Variants in AFG2A observed in about 807,000 individuals in gnomAD.
AFG2A encodes AAA ATPase AFG2A.
the AFG2A span, among the ~76,000 whole-genome samples, chr4:122,990,808 G>A: frequency 6.6e-6 from 1 of 152,258 alleles, no homozygotes; most frequent in East Asian, 1.9e-4. Context: ...AGACTGGTCT[G>A]GAACTCGTGG....
the AFG2A span, among the ~76,000 whole-genome samples, chr4:123,207,641 G>A: frequency 1.3e-5 from 2 of 152,298 alleles, no homozygotes; most frequent in East Asian, 1.9e-4. Context: ...TACACCAGAA[G>A]TGAATAATCT....
chr4:123,255,479 A>G, the AFG2A span, among the ~76,000 whole-genome samples: 2 of 146,392 alleles, frequency 1.4e-5, no homozygotes, highest in South Asian at 4.5e-4. Context: ...TGGGTGGCAG[A>G]GTGAGACTCT....
At chr4:123,080,283 C>T in the AFG2A span, among the ~76,000 whole-genome samples, 7 of 152,210 alleles carry the variant, frequency 4.6e-5, no homozygotes, top group Non-Finnish European at 1.0e-4. Context: ...CAAGTTTGTG[C>T]TCTCACTCTC....
chr4:123,112,126 A>C, the AFG2A span, among the ~76,000 whole-genome samples: 1 of 152,190 alleles, frequency 6.6e-6, no homozygotes, highest in South Asian at 2.1e-4. Context: ...GAATGAATGC[A>C]TACATTCAGA....
At chr4:123,055,480 AT>A in the AFG2A span, among the ~76,000 whole-genome samples, 7 of 152,172 alleles carry the variant, frequency 4.6e-5, no homozygotes, top group African/African-American at 7.2e-5. Context: ...ATGAAGCCAA[AT>A]ACTGCCCATA....
At chr4:123,269,933 CA>C in the AFG2A span, among the ~76,000 whole-genome samples, 68,714 of 151,966 alleles carry the variant, frequency 0.45, 19,127 homozygotes, top group Non-Finnish European at 0.59. Flanking sequence ...TCTTCTGCCT[CA>C]GCCTCCGGAG....
At chr4:123,208,395 A>G in the AFG2A span, among the ~76,000 whole-genome samples, 1 of 152,180 alleles carries the variant, frequency 6.6e-6, no homozygotes, top group Non-Finnish European at 1.5e-5. Flanking sequence ...GTTCTTAGAT[A>G]TGACACCAAA....
the AFG2A span, among the ~76,000 whole-genome samples, chr4:122,950,870 G>A: frequency 2.0e-5 from 3 of 152,320 alleles, no homozygotes; most frequent in East Asian, 5.8e-4. Context: ...CAAGGGCCTG[G>A]GGTGTTCCTG....
chr4:123,204,640 T>C, the AFG2A span, among the ~76,000 whole-genome samples: 2 of 152,378 alleles, frequency 1.3e-5, no homozygotes, highest in East Asian at 3.9e-4. Flanking sequence ...ACAGGGACTT[T>C]TGCTTGTGAG....
chr4:123,181,646 T>C, the AFG2A span, among the ~76,000 whole-genome samples: 1,821 of 152,106 alleles, frequency 0.012, 11 homozygotes, highest in African/African-American at 0.016. Flanking sequence ...TTAATAAAAA[T>C]GTAGAAATGA....
At chr4:123,014,859 C>A in the AFG2A span, among the ~76,000 whole-genome samples, 2 of 152,122 alleles carry the variant, frequency 1.3e-5, no homozygotes, top group African/African-American at 2.4e-5. Context: ...AGCAACAAAT[C>A]CCAACAAATC....
the AFG2A span, among the ~76,000 whole-genome samples, chr4:122,973,815 C>CTA: frequency 6.6e-6 from 1 of 152,214 alleles, no homozygotes; most frequent in South Asian, 2.1e-4. Context: ...GTAGCTAGGA[C>CTA]TATAGGCACA....
chr4:123,121,732 A>T, the AFG2A span, among the ~76,000 whole-genome samples: 1 of 152,170 alleles, frequency 6.6e-6, no homozygotes, highest in Admixed American at 6.5e-5. Flanking sequence ...TGACAAAATC[A>T]CTTAAGGATG....
chr4:123,004,634 T>C, the AFG2A span, among the ~76,000 whole-genome samples: 1 of 152,242 alleles, frequency 6.6e-6, no homozygotes, highest in Non-Finnish European at 1.5e-5. Context: ...TCTACTAATA[T>C]TTTGTTGAGG....
the AFG2A span, among the ~76,000 whole-genome samples, chr4:123,309,334 A>G: frequency 3.3e-5 from 5 of 152,314 alleles, no homozygotes; most frequent in African/African-American, 1.2e-4. Context: ...GTGAGGGCCT[A>G]TTCCTCATAG....
the AFG2A span, among the ~76,000 whole-genome samples, chr4:123,183,731 A>G: frequency 6.6e-6 from 1 of 152,200 alleles, no homozygotes; most frequent in Non-Finnish European, 1.5e-5. Context: ...TGCTTGATTT[A>G]CATGAGGCCC....
the AFG2A span, among the ~76,000 whole-genome samples, chr4:123,086,971 CT>C: frequency 3.3e-5 from 5 of 152,162 alleles, no homozygotes; most frequent in African/African-American, 9.7e-5. Context: ...TTGTTGTCTA[CT>C]TTGTCCATTA....
At chr4:123,112,836 T>G in the AFG2A span, among the ~76,000 whole-genome samples, 1 of 152,284 alleles carries the variant, frequency 6.6e-6, no homozygotes, top group Admixed American at 6.5e-5. Flanking sequence ...AGTTTGCTGT[T>G]TACTTTTGAT....
the AFG2A span, among the ~76,000 whole-genome samples, chr4:122,957,980 C>T: frequency 1.3e-5 from 2 of 152,194 alleles, no homozygotes; most frequent in African/African-American, 4.8e-5. Flanking sequence ...AATTATTACC[C>T]TATACACCCT....
Sources: gnomAD v4.1 joint callset for allele counts (sites outside exome capture counted in the v4.1 genomes callset) on GRCh38, gnomAD v4.1.1 for gene constraint, MANE v1.5 for transcripts, NCBI Gene and HGNC (gene_info 2026-07-23, HGNC 2026-07-21) for gene names.